IPO11: variants seen among roughly 807,000 people sequenced by gnomAD.
IPO11 encodes the protein importin 11.
In IPO11, 66 loss-of-function variants were observed where a neutral mutation model predicts 143.2. The ratio of observed to expected loss-of-function variants is 0.46; its 90% CI spans 0.38 to 0.57. The LOEUF is 0.57. Among genes scored for constraint, IPO11 ranks in the 20% least tolerant of loss-of-function variants. The pLI, the probability that IPO11 is intolerant of heterozygous loss-of-function variation, is 0.00. For synonymous variants in IPO11, 385 were observed against 377.8 expected (o/e 1.02, Z -0.22); for missense variants, 1,026 against 1,141.0 (o/e 0.90, Z 1.45).
intron 22 of IPO11, among the ~76,000 whole-genome samples, chr5:62,533,495 A>G (rs935579867): frequency 6.6e-6 from 1 of 152,140 alleles, no homozygotes; most frequent in African/African-American, 2.4e-5. Context: ...TACAGGCGTG[A>G]GCCACCATGC....
chr5:62,534,511 A>C (rs1010562738), intron 22 of IPO11, among the ~76,000 whole-genome samples: 4 of 152,228 alleles, frequency 2.6e-5, no homozygotes, highest in Non-Finnish European at 5.9e-5. Flanking sequence ...TAGATTATAA[A>C]ATAAAATCAC....
chr5:62,472,640 G>T (rs1320600358), intron 7 of IPO11, among the ~76,000 whole-genome samples: 1 of 149,806 alleles, frequency 6.7e-6, no homozygotes, highest in African/African-American at 2.5e-5. Flanking sequence ...CGATTCTCCT[G>T]CCTCAGCCTC....
At chr5:62,419,224 C>G (rs1743411137) in intron 1 of IPO11, 1 of 1,306,166 alleles carries the variant, frequency 7.7e-7, no homozygotes, top group African/African-American at 1.5e-5. Context: ...AGGGCACTTA[C>G]CTCGAATGGA....
At position 62,556,473 on chromosome 5, in the gene IPO11, C is replaced by A. The variant is rs185990229; in HGVS notation, c.2461-4663C>A. Among the ~76,000 whole-genome samples the A allele has an allele frequency of 3.8e-4, 58 of 152,280 alleles. 1 individual carries two copies. The highest frequency in any genetic ancestry group is 1.3e-3 in the African/African-American group (56 of 41,564). On this transcript the variant is annotated intron_variant, in intron 26 of 29. Transcript: ENST00000325324. ...GTTTCAGTGGCTGGGTGTGGTGGCACATGCCTTGTAATCACAGTGCTTTGA... is the reference window on the plus strand; with the variant it reads ...GTTTCAGTGGCTGGGTGTGGTGGCAAATGCCTTGTAATCACAGTGCTTTGA...
intron 27 of IPO11, chr5:62,576,245 G>C (rs1744309931): frequency 6.3e-6 from 1 of 157,672 alleles, no homozygotes; most frequent in Admixed American, 6.3e-5. Flanking sequence ...GCGCAAAAAT[G>C]GCCTTGGATG....
intron 27 of IPO11, among the ~76,000 whole-genome samples, chr5:62,568,092 G>T (rs1744016065): frequency 6.6e-6 from 1 of 151,488 alleles, no homozygotes; most frequent in Non-Finnish European, 1.5e-5. Flanking sequence ...CAGTCTCCCA[G>T]TTAGCTGGGA....
chr5:62,493,061 T>C (rs1389148237), intron 15 of IPO11, among the ~76,000 whole-genome samples: 1 of 152,214 alleles, frequency 6.6e-6, no homozygotes, highest in African/African-American at 2.4e-5. Context: ...TTGATTTCTT[T>C]TAGCGAAGAT....
At chr5:62,589,767 G>A (rs1176095200) in intron 27 of IPO11, among the ~76,000 whole-genome samples, 1 of 152,144 alleles carries the variant, frequency 6.6e-6, no homozygotes, top group East Asian at 1.9e-4. Context: ...GACCAATGGT[G>A]TCCACCCAGC....
Position 62,567,381 on chromosome 5 carries a change from G to A in IPO11, c.2582+6124G>A, listed in dbSNP as rs558349232. On this transcript the variant is annotated intron_variant, in intron 27 of 29. Transcript: ENST00000325324. The stretch of plus-strand genomic sequence containing the variant: ...AATTAGATTATTATATATATGTCTT[G>A]GAATCATCTTATGTGGGTTGAATCT... Among the ~76,000 whole-genome samples the A allele has an allele frequency of 1.5e-4, 22 of 151,340 alleles. 2 individuals carry two copies. The South Asian group carries it at 4.6e-3, about 32-fold the overall frequency.
At chr5:62,612,227 G>T (rs1314266140) in intron 29 of IPO11, among the ~76,000 whole-genome samples, 1 of 152,116 alleles carries the variant, frequency 6.6e-6, no homozygotes, top group Non-Finnish European at 1.5e-5. Context: ...CGATCTGTGA[G>T]TACATGTTAA....
chr5:62,504,996 T>C (rs1741505040), intron 18 of IPO11, 98 bp downstream of exon 18: 5 of 632,262 alleles, frequency 7.9e-6, no homozygotes, highest in Admixed American at 7.1e-5. Flanking sequence ...GTGTTACTTA[T>C]TAAAGTTGAA....
At position 62,520,145 on chromosome 5, in the gene IPO11, G is replaced by A. The variant is rs80209910; in HGVS notation, c.1896+4644G>A. The stretch of plus-strand genomic sequence containing the variant: ...TCCTATCTAAGGTCAGTTGATGTGG[G>A]ACTTTAATTACATCTGTAAATTATT... On this transcript the variant is annotated intron_variant, in intron 20 of 29. Transcript: ENST00000325324. Among the ~76,000 whole-genome samples the A allele has an allele frequency of 8.5e-3, 1,288 of 152,252 alleles. 17 individuals carry two copies. The highest frequency in any genetic ancestry group is 0.03 in the African/African-American group (1,235 of 41,542).
chr5:62,574,107 A>C (rs1240585156), intron 27 of IPO11, among the ~76,000 whole-genome samples: 2 of 152,176 alleles, frequency 1.3e-5, no homozygotes, highest in East Asian at 3.8e-4. Context: ...GTGACTCCCA[A>C]ATCTGTGCTT....
chr5:62,571,189 A>C (rs912189749), intron 27 of IPO11, among the ~76,000 whole-genome samples: 1 of 151,920 alleles, frequency 6.6e-6, no homozygotes, highest in Non-Finnish European at 1.5e-5. Context: ...TATTTTTTGG[A>C]GATTCTTTTC....
At chr5:62,558,209 A>C (rs917502734) in intron 26 of IPO11, among the ~76,000 whole-genome samples, 2 of 152,232 alleles carry the variant, frequency 1.3e-5, no homozygotes, top group Non-Finnish European at 2.9e-5. Context: ...TATAAATTTT[A>C]CTGTAAAAAA....
chr5:62,536,327 A>G (rs372941900), intron 22 of IPO11, among the ~76,000 whole-genome samples: 1 of 152,074 alleles, frequency 6.6e-6, no homozygotes, highest in South Asian at 2.1e-4. Flanking sequence ...TTCTGAAAGG[A>G]AAATATATGG....
chr5:62,581,802 G>A (rs1377394295), intron 27 of IPO11, among the ~76,000 whole-genome samples: 4 of 152,138 alleles, frequency 2.6e-5, no homozygotes, highest in Admixed American at 2.6e-4. Flanking sequence ...GAGATATATG[G>A]TTACTGCACA....
intron 29 of IPO11, among the ~76,000 whole-genome samples, chr5:62,618,768 G>A (rs556758983): frequency 2.2e-4 from 33 of 152,130 alleles, no homozygotes; most frequent in Admixed American, 2.0e-3. Flanking sequence ...AAAATTAGCC[G>A]GGCACAGTGG....
chr5:62,435,136 GTATATATGTATATATGTATATATATGTA>G (rs1561308893), intron 1 of IPO11, among the ~76,000 whole-genome samples: 7 of 95,868 alleles, frequency 7.3e-5, no homozygotes, highest in South Asian at 2.9e-4. Flanking sequence ...GTATATATAT[GTATATATGTATATATGTATATATATGTA>G]TATATATGTA....
Sources: gnomAD v4.1 joint callset for allele counts (sites outside exome capture counted in the v4.1 genomes callset) on GRCh38, gnomAD v4.1.1 for gene constraint, MANE v1.5 for transcripts, NCBI Gene and HGNC (gene_info 2026-07-23, HGNC 2026-07-21) for gene names.